The following LAMA1 variants were observed in gnomAD, a reference collection of about 807,000 sequenced individuals.
LAMA1 encodes laminin subunit alpha 1, also known as laminin subunit alpha-1.
In LAMA1, 219 loss-of-function variants were observed where a neutral mutation model predicts 348.7. That is an observed-to-expected ratio of 0.63 (90% CI 0.56 to 0.70). The LOEUF (loss-of-function observed/expected upper bound fraction) is 0.70. Ranked by LOEUF, LAMA1 falls within the 30% of genes least tolerant of loss-of-function variation. The pLI is 0.00. For synonymous variants in LAMA1, 1,487 were observed against 1,491.0 expected (o/e 1.00, Z 0.06); for missense variants, 3,744 against 3,888.0 (o/e 0.96, Z 0.99).
Position 6,980,578 on chromosome 18 carries a change from C to T in LAMA1, c.5950G>A (p.Val1984Ile). 2 of 1,613,622 alleles carry T rather than the reference C, an allele frequency of 1.2e-6. No homozygotes were observed. The highest frequency in any genetic ancestry group is 1.3e-5 in the African/African-American group (1 of 75,036). The change falls in exon 42 of 63, where the codon GTT becomes ATT. Residue 1984 changes from valine to isoleucine, a missense_variant. By Grantham distance (29) the Val-to-Ile change is conservative. Transcript: ENST00000389658. ...TCATTGGTTTGCCTGGTAATTTCAA[C>T]AGCATTCTCTTGAAATCTGTTTGTC... ...NKTNRFQENA[V>I]EITRQTNESL...
chr18:6,950,654 G>A, intron 58 of LAMA1, 128 bp downstream of exon 58: 9 of 1,047,380 alleles, frequency 8.6e-6, no homozygotes, highest in Non-Finnish European at 1.3e-5. Flanking sequence ...GTCTCTGGGG[G>A]AGACACCAGA....
At chr18:7,045,394 C>T (rs1488674583) in intron 6 of LAMA1, among the ~76,000 whole-genome samples, 3 of 152,052 alleles carry the variant, frequency 2.0e-5, no homozygotes, top group Admixed American at 6.6e-5. Context: ...CCCTTGAACC[C>T]AGGATGCGGA....
chr18:6,985,629 A>C lies in LAMA1; in HGVS notation c.5394T>G (p.His1798Gln), dbSNP rs1422377253. 2 of 1,613,428 alleles carry C rather than the reference A, an allele frequency of 1.2e-6. No individual in the cohort carries two copies. Among genetic ancestry groups the C allele is most frequent in the Non-Finnish European group, 1.7e-6 (2 of 1,179,396 alleles). The change falls in exon 38 of 63, where the codon CAT becomes CAG. Residue 1798 changes from histidine to glutamine, a missense_variant. Around this residue, in one of 3 missense-constraint regions of LAMA1, gnomAD observed 1,983 missense variants for 1,934.3 expected, o/e 1.03. Transcript: ENST00000389658. ...NLREFSDKKL[H>Q]VQEEQNLTSE... ...AGGTCAGATTTTGTTCTTCTTGAAC[A>C]TGCAGCTTTTTATCCTGCAGCAGAA...
chr18:6,979,414 T>C (rs1375184926), intron 42 of LAMA1, among the ~76,000 whole-genome samples: 1 of 152,124 alleles, frequency 6.6e-6, no homozygotes, highest in Non-Finnish European at 1.5e-5. Context: ...ACACTTGTAA[T>C]CCCAGAACTT....
intron 56 of LAMA1, 47 bp from the exon 57 acceptor site, chr18:6,955,512 C>T (rs757498395): frequency 1.4e-6 from 2 of 1,399,842 alleles, no homozygotes; most frequent in South Asian, 2.3e-5. Context: ...GCAGCCCGAA[C>T]CCCACTGACA....
At position 7,093,128 on chromosome 18, in the gene LAMA1, G is replaced by A. The variant is rs564449910; in HGVS notation, c.62-12671C>T. Among the ~76,000 whole-genome samples the A allele has an allele frequency of 6.6e-5, 10 of 152,260 alleles. No individual in the cohort carries two copies. In the South Asian group the frequency reaches 8.3e-4, roughly 13 times the overall value. ...ACTTAGATAATGGTATTAAAAAGGC[G>A]TCAAATGGCGGGGCACAGTGGCTCA... On this transcript the variant is annotated intron_variant, in intron 1 of 62. Coordinates refer to ENST00000389658, the MANE Select transcript of LAMA1 (RefSeq NM_005559.4).
chr18:7,098,003 G>A (rs1054165411), intron 1 of LAMA1, among the ~76,000 whole-genome samples: 1 of 149,502 alleles, frequency 6.7e-6, no homozygotes, highest in Non-Finnish European at 1.5e-5. Flanking sequence ...GCGATTGCAG[G>A]CTCGCGCCGC....
chr18:7,009,370 T>C lies in LAMA1; in HGVS notation c.3874-4A>G, dbSNP rs200674080. The C allele has an allele frequency of 3.7e-6, 6 of 1,614,022 alleles. No homozygotes were observed. The East Asian group carries it at 6.7e-5, about 18-fold the overall frequency. ...AGTTAAAATATTTCCAAAAATTCTG[T>C]AGAATGAGAAACACATTCAATTAAG... On this transcript the variant is annotated splice_region_variant and splice_polypyrimidine_tract_variant and intron_variant, in intron 26 of 62. Coordinates refer to ENST00000389658, the MANE Select transcript of LAMA1 (RefSeq NM_005559.4).
At position 7,030,454 on chromosome 18, in the gene LAMA1, C is replaced by G. The variant is rs537409174; in HGVS notation, c.2274+1612G>C. On this transcript the variant is annotated intron_variant, in intron 16 of 62. Coordinates refer to ENST00000389658, the MANE Select transcript of LAMA1 (RefSeq NM_005559.4). Reference sequence around the variant, plus strand: ...GGTTCGATCCTACAAAAAAAAGGAGCATGAGTGAAAAACTGATGAAATCAG... The same window carrying G: ...GGTTCGATCCTACAAAAAAAAGGAGGATGAGTGAAAAACTGATGAAATCAG... Among the ~76,000 whole-genome samples the G allele has an allele frequency of 3.6e-4, 55 of 151,850 alleles. 1 individual carries two copies. Among genetic ancestry groups the G allele is most frequent in the African/African-American group, 1.2e-3 (50 of 41,326 alleles).
At position 7,049,245 on chromosome 18, in the gene LAMA1, G is replaced by A. The variant is rs778847517; in HGVS notation, c.601C>T (p.Leu201Phe). 1.2e-6 allele frequency: 2 copies of A among 1,613,854 alleles called. No homozygotes were observed. The highest frequency in any genetic ancestry group is 1.7e-4 in the Middle Eastern group (1 of 6,060). ...PLEHGEIHTS[L>F]INGRPSADDL... Reference sequence around the variant, plus strand: ...TCAGCGCTTGGTCTGCCATTGATGAGTGATGTATGAATCTGAAGATGAAGG... The same window carrying A: ...TCAGCGCTTGGTCTGCCATTGATGAATGATGTATGAATCTGAAGATGAAGG... Residue 201 changes from leucine (L) to phenylalanine (F), a missense_variant, in exon 5 of 63, where the codon CTC (leucine) becomes TTC (phenylalanine). Leu to Phe is a conservative substitution (Grantham distance 22). Around this residue, in one of 3 missense-constraint regions of LAMA1, gnomAD observed 1,529 missense variants for 1,689.4 expected, o/e 0.91. Transcript: ENST00000389658.
At chr18:6,972,535 C>T (rs1182194714) in intron 47 of LAMA1, among the ~76,000 whole-genome samples, 6 of 152,150 alleles carry the variant, frequency 3.9e-5, no homozygotes, top group Non-Finnish European at 8.8e-5. Flanking sequence ...GCAAGATGAG[C>T]CATTGGCTTT....
intron 25 of LAMA1, among the ~76,000 whole-genome samples, chr18:7,010,656 C>G (rs2057855495): frequency 6.6e-6 from 1 of 152,178 alleles, no homozygotes; most frequent in Admixed American, 6.5e-5. Flanking sequence ...TATTTTCAAG[C>G]TCCTTTAGAT....
Position 6,999,687 on chromosome 18 carries a change from T to C in LAMA1, c.4470-49A>G, listed in dbSNP as rs763288536. ...TGCAGACAGGATGGTCAATACCAGC[T>C]TCTAACTTGCGACAGTAATCATTTC... On this transcript the variant is annotated intron_variant, in intron 31 of 62. Coordinates refer to ENST00000389658, the MANE Select transcript of LAMA1 (RefSeq NM_005559.4). 1.3e-5 allele frequency: 20 copies of C among 1,482,032 alleles called. No individual in the cohort carries two copies. In the African/African-American group the frequency reaches 2.5e-4, roughly 19 times the overall value. 91.8% of individuals were successfully genotyped at this position (1,482,032 alleles called of 1,614,324 possible). A position where few individuals can be genotyped will look rare whatever the true frequency, so the allele number is the denominator to read the frequency against.
intron 3 of LAMA1, chr18:7,079,412 C>G (rs1426963232): frequency 1.2e-5 from 2 of 163,076 alleles, no homozygotes; most frequent in Non-Finnish European, 2.7e-5. Flanking sequence ...GTGGCTGGAG[C>G]CAGTCATACC....
chr18:6,992,464 A>G, intron 36 of LAMA1, 97 bp downstream of exon 36: 3 of 1,333,222 alleles, frequency 2.3e-6, no homozygotes, highest in Non-Finnish European at 3.2e-6. Context: ...ATTTCCAGTG[A>G]GCACTTTTCT....
intron 10 of LAMA1, 33 bp from the exon 11 acceptor site, chr18:7,038,983 A>G (rs780979268): frequency 1.3e-6 from 2 of 1,569,502 alleles, no homozygotes; most frequent in South Asian, 2.2e-5. Context: ...AGCTTTTGAA[A>G]CCAATGTGTC....
chr18:7,082,951 T>A (rs1488478615), intron 1 of LAMA1, among the ~76,000 whole-genome samples: 1 of 142,484 alleles, frequency 7.0e-6, no homozygotes, highest in Middle Eastern at 3.4e-3. Flanking sequence ...CCTCCCAATC[T>A]GAGTAACTGC....
At chr18:7,064,973 C>T (rs556937975) in intron 3 of LAMA1, among the ~76,000 whole-genome samples, 5 of 152,236 alleles carry the variant, frequency 3.3e-5, no homozygotes, top group African/African-American at 7.2e-5. Flanking sequence ...CAGTGGCTCA[C>T]GCCTGTAATC....
At chr18:7,091,632 C>G (rs2058240096) in intron 1 of LAMA1, among the ~76,000 whole-genome samples, 2 of 152,188 alleles carry the variant, frequency 1.3e-5, no homozygotes, top group African/African-American at 4.8e-5. Context: ...GTTTCACTAT[C>G]GCGGGGCATG....
Sources: allele counts gnomAD v4.1 joint callset (sites outside exome capture counted in the v4.1 genomes callset), GRCh38; gene constraint gnomAD v4.1.1; regional missense constraint gnomAD v4.1.1; transcripts MANE v1.5; gene names NCBI Gene and HGNC (gene_info 2026-07-23, HGNC 2026-07-21).